The following KIF18B variants were observed in gnomAD, a reference collection of about 807,000 sequenced individuals.
KIF18B encodes kinesin family member 18B.
Under a neutral mutation model 80.9 loss-of-function variants are expected in KIF18B, and 49 were observed. The ratio of observed to expected loss-of-function variants is 0.61; its 90% CI spans 0.48 to 0.77. The LOEUF (loss-of-function observed/expected upper bound fraction) is 0.77. KIF18B is among the 30% of genes least tolerant of loss of function. KIF18B has a pLI of 0.00. For missense variants in KIF18B, 994 were observed against 1,127.7 expected, an observed-to-expected ratio of 0.88 and a Z score of 1.70; for synonymous variants, 439 against 463.9, an observed-to-expected ratio of 0.95 and a Z score of 0.69.
At chr17:44,932,294 C>G in intron 9 of KIF18B, 88 bp from the exon 10 acceptor site, 2 of 1,449,246 alleles carry the variant, frequency 1.4e-6, no homozygotes, top group South Asian at 2.8e-5. Context: ...GGTGGGAGAG[C>G]AGGGAGCGGG....
intron 1 of KIF18B, among the ~76,000 whole-genome samples, chr17:44,938,230 G>C (rs753680274): frequency 2.6e-5 from 4 of 152,126 alleles, no homozygotes; most frequent in Admixed American, 2.0e-4. Flanking sequence ...TGGCCAGGCT[G>C]GTCTCAAACT....
At chr17:44,947,378 G>C (rs1382851628) in intron 1 of KIF18B, among the ~76,000 whole-genome samples, 1 of 152,182 alleles carries the variant, frequency 6.6e-6, no homozygotes, top group African/African-American at 2.4e-5. Context: ...GTCCAGCATA[G>C]ATGAGCGGAG....
chr17:44,945,638 C>A (rs2052496870), intron 1 of KIF18B, among the ~76,000 whole-genome samples: 1 of 152,048 alleles, frequency 6.6e-6, no homozygotes, highest in Non-Finnish European at 1.5e-5. Flanking sequence ...GGCATGGTGG[C>A]TCACGCCTGT....
intron 1 of KIF18B, among the ~76,000 whole-genome samples, chr17:44,943,014 CT>C (rs2052447125): frequency 6.6e-6 from 1 of 152,200 alleles, no homozygotes; most frequent in Non-Finnish European, 1.5e-5. Flanking sequence ...CCATCTCCCC[CT>C]CACCTTGGTA....
Position 44,926,131 on chromosome 17 carries a change from G to C in KIF18B, c.2508C>G (p.Ile836Met). 6.2e-7 allele frequency: 1 copy of C among 1,613,870 alleles called. No homozygotes were observed. Among genetic ancestry groups the C allele is most frequent in the African/African-American group, 1.3e-5 (1 of 74,994 alleles). Residue 836 changes from isoleucine (I) to methionine (M), a missense_variant, in exon 16 of 16, where the codon ATC (isoleucine) becomes ATG (methionine). Transcript: ENST00000593135. ...CTGCTGAGAGTGCTCTCCCCACCCT[G>C]ATGAGGTCCTTTCCATTCCTCCGGT... ...PSNRRNGKDL[I>M]RVGRALSAGN...
chr17:44,927,219 G>A lies in KIF18B; in HGVS notation c.2277-141C>T. 1 of 617,460 alleles carries A rather than the reference G, an allele frequency of 1.6e-6. No individual in the cohort carries two copies. The highest frequency in any genetic ancestry group is 4.3e-4 in the Middle Eastern group (1 of 2,322). The allele number at this position is 617,460 out of a possible 1,614,324, so 38.2% of individuals were successfully genotyped here. On this transcript the variant is annotated intron_variant, in intron 13 of 15. Coordinates refer to ENST00000593135, the MANE Select transcript of KIF18B (RefSeq NM_001265577.2). This position sits in a 1 kb window ranked among gnomAD's most constrained non-coding sequence, Gnocchi z 4.1. ...CCTCTGAGGTTTCTTCTACAAAGAG[G>A]TGGATTCCTCTCTCTGCCTGGCTGA...
Position 44,926,039 on chromosome 17 carries a change from C to G in KIF18B, c.*41G>C, listed in dbSNP as rs368414740. The G allele has an allele frequency of 5.6e-6, 9 of 1,610,840 alleles. 1 individual carries two copies. The highest frequency in any genetic ancestry group is 3.3e-5 in the Admixed American group (2 of 59,936). On this transcript the variant is annotated 3_prime_UTR_variant, in exon 16 of 16. Transcript: ENST00000593135. Reference sequence around the variant, plus strand: ...CAAGAGGGGTATCCAGCAGAGGGGCCGGTAGGTTAGGACACCTTGGTGGTC... The same window carrying G: ...CAAGAGGGGTATCCAGCAGAGGGGCGGGTAGGTTAGGACACCTTGGTGGTC...
chr17:44,933,493 C>T (rs573869121), intron 7 of KIF18B, among the ~76,000 whole-genome samples: 1 of 151,290 alleles, frequency 6.6e-6, no homozygotes, highest in East Asian at 1.9e-4. Flanking sequence ...GACAGAGGAA[C>T]TTCTTTTTTT....
chr17:44,936,533 C>T (rs1364028562), intron 1 of KIF18B, among the ~76,000 whole-genome samples, 175 bp from the exon 2 acceptor site: 10 of 131,054 alleles, frequency 7.6e-5, no homozygotes, highest in African/African-American at 2.3e-4. Context: ...ACTTGAAATA[C>T]CATCTTTGTC....
At position 44,925,365 on chromosome 17, in the gene KIF18B, T is replaced by C. The variant is rs1270976392; in HGVS notation, c.*715A>G. The C allele has an allele frequency of 6.6e-6, 1 of 151,320 alleles. No individual in the cohort carries two copies. The highest frequency in any genetic ancestry group is 1.5e-5 in the Non-Finnish European group (1 of 68,002). The allele number at this position is 151,320 out of a possible 1,614,324, so 9.4% of individuals were successfully genotyped here. On this transcript the variant is annotated 3_prime_UTR_variant, in exon 16 of 16. Transcript: ENST00000593135. Reference sequence around the variant, plus strand: ...GGGAGGCTGAGGCAGGAGAATGGTGTGAACCTGGGAGGCGGAGCTTGCAGT... The same window carrying C: ...GGGAGGCTGAGGCAGGAGAATGGTGCGAACCTGGGAGGCGGAGCTTGCAGT...
In KIF18B at chr17:44,934,739, C is replaced by T; in HGVS notation, c.576+92G>A. 8.0e-7 allele frequency: 1 copy of T among 1,253,176 alleles called. No homozygotes were observed. Among genetic ancestry groups the T allele is most frequent in the Non-Finnish European group, 1.1e-6 (1 of 898,810 alleles). The allele number at this position is 1,253,176 out of a possible 1,614,324, so 77.6% of individuals were successfully genotyped here. ...TTGCTACCACCACCACTGCTACCAC[C>T]ATCACAGGACCCAGGGCATCCCCAA... On this transcript the variant is annotated intron_variant, in intron 4 of 15. Coordinates refer to ENST00000593135, the MANE Select transcript of KIF18B (RefSeq NM_001265577.2). The surrounding 1 kb of genome is among the most constrained non-coding windows in gnomAD (Gnocchi z 5.4).
rs145355759 is a variant in KIF18B at position 44,925,775 on chromosome 17, C to T, written c.*305G>A. 142 of 382,004 alleles carry T rather than the reference C, an allele frequency of 3.7e-4. No individual in the cohort carries two copies. The highest frequency in any genetic ancestry group is 2.7e-3 in the African/African-American group (127 of 46,704). 23.7% of individuals were successfully genotyped at this position (382,004 alleles called of 1,614,324 possible). A position where few individuals can be genotyped will look rare whatever the true frequency, so the allele number is the denominator to read the frequency against. ...CAGCCTGGGCGACAGAGTAAGACTC[C>T]ATCTCAAAACAAAAAAAACAAAAAA... On this transcript the variant is annotated 3_prime_UTR_variant, in exon 16 of 16. Coordinates refer to ENST00000593135, the MANE Select transcript of KIF18B (RefSeq NM_001265577.2).
chr17:44,936,280 A>G lies in KIF18B; in HGVS notation c.65T>C (p.Leu22Pro). 2 of 1,610,842 alleles carry G rather than the reference A, an allele frequency of 1.2e-6. No individual in the cohort carries two copies. Among genetic ancestry groups the G allele is most frequent in the Non-Finnish European group, 8.5e-7 (1 of 1,179,204 alleles). Residue 22 changes from leucine (L) to proline (P), a missense_variant, in exon 2 of 16, where the codon CTG becomes CCG. By Grantham distance (98) the Leu-to-Pro change is moderately conservative. Coordinates refer to ENST00000593135, the MANE Select transcript of KIF18B (RefSeq NM_001265577.2). ...VRVRPPTPRE[L>P]DSQRRPVVQV... ...AACCACTGGCCGCCGCTGACTGTCC[A>G]GCTCCCGAGGGGTGGGGGGCCGCAC...
At position 44,925,979 on chromosome 17, in the gene KIF18B, G is replaced by T; in HGVS notation, c.*101C>A. On this transcript the variant is annotated 3_prime_UTR_variant, in exon 16 of 16. Coordinates refer to ENST00000593135, the MANE Select transcript of KIF18B (RefSeq NM_001265577.2). ...CACTAATTGCTCCCAGGTAAGGAAGGCAGGTCCAGCTCCTGGTGCAGGTGG... is the reference window on the plus strand; with the variant it reads ...CACTAATTGCTCCCAGGTAAGGAAGTCAGGTCCAGCTCCTGGTGCAGGTGG... The T allele has an allele frequency of 4.0e-6, 5 of 1,247,968 alleles. No individual in the cohort carries two copies. The highest frequency in any genetic ancestry group is 5.8e-6 in the Non-Finnish European group (5 of 862,000). 77.3% of individuals were successfully genotyped at this position (1,247,968 alleles called of 1,614,324 possible). A position where few individuals can be genotyped will look rare whatever the true frequency, so the allele number is the denominator to read the frequency against.
Position 44,926,160 on chromosome 17 carries a change from T to G in KIF18B, c.2479A>C (p.Ser827Arg), listed in dbSNP as rs1330102345. Residue 827 changes from serine (S) to arginine (R), a missense_variant, in exon 16 of 16, where the codon AGC becomes CGC. By Grantham distance (110) the Ser-to-Arg change is moderately radical (BLOSUM62 -1). Coordinates refer to ENST00000593135, the MANE Select transcript of KIF18B (RefSeq NM_001265577.2). ...PELPLSPLCP[S>R]NRRNGKDLIR... The stretch of plus-strand genomic sequence containing the variant: ...AGGTCCTTTCCATTCCTCCGGTTGC[T>G]AGGGCACAGGGGACTCAAGGGCAGC... 1 of 1,613,742 alleles carries G rather than the reference T, an allele frequency of 6.2e-7. No individual in the cohort carries two copies. The highest frequency in any genetic ancestry group is 8.5e-7 in the Non-Finnish European group (1 of 1,179,856).
intron 1 of KIF18B, among the ~76,000 whole-genome samples, 197 bp from the exon 2 acceptor site, chr17:44,936,555 ACTCT>A (rs59137224): frequency 0.081 from 2,979 of 36,708 alleles, 276 homozygotes; most frequent in African/African-American, 0.11. Context: ...TACTCAAATG[ACTCT>A]CTCTCTCTCT....
chr17:44,940,701 G>A (rs547038887), intron 1 of KIF18B, among the ~76,000 whole-genome samples: 1 of 152,326 alleles, frequency 6.6e-6, no homozygotes, highest in Admixed American at 6.5e-5. Context: ...TCCAGGTAAA[G>A]ACTAGCTTCC....
At chr17:44,926,345 G>T (rs758335577) in intron 15 of KIF18B, 69 bp downstream of exon 15, 1 of 1,553,316 alleles carries the variant, frequency 6.4e-7, no homozygotes, top group East Asian at 2.4e-5. Context: ...TCAGCTCCCC[G>T]TCCCCTCCTC....
At chr17:44,936,622 ATATTTTTTTTTTTTTT>A (rs1364826262) in intron 1 of KIF18B, among the ~76,000 whole-genome samples, 141 of 43,818 alleles carry the variant, frequency 3.2e-3, no homozygotes, top group Middle Eastern at 0.014. Context: ...ATATATATAT[ATATTTTTTTTTTTTTT>A]TTTTTTTTTT....
Sources: gnomAD v4.1 joint callset for allele counts (sites outside exome capture counted in the v4.1 genomes callset) on GRCh38, gnomAD v4.1.1 for gene constraint, Gnocchi (gnomAD v3.1) non-coding constraint, MANE v1.5 for transcripts, NCBI Gene and HGNC (gene_info 2026-07-23, HGNC 2026-07-21) for gene names.